The following SIRT3 variants were observed in gnomAD, a reference collection of about 807,000 sequenced individuals.
SIRT3 encodes the protein NAD-dependent protein deacetylase sirtuin-3, mitochondrial.
A neutral mutation model predicts 33.5 loss-of-function variants in SIRT3; 26 were observed. The observed-to-expected ratio is 0.78, with a 90% CI of 0.57 to 1.08. The LOEUF (loss-of-function observed/expected upper bound fraction) is 1.08. Ranked by LOEUF, SIRT3 falls within the 50% of genes least tolerant of loss-of-function variation. The pLI is 0.00. For missense variants in SIRT3, 585 were observed against 530.1 expected, an observed-to-expected ratio of 1.10 and a Z score of -1.02; for synonymous variants, 237 against 222.1, an observed-to-expected ratio of 1.07 and a Z score of -0.60.
chr11:220,213 C>A (rs563874348), intron 5 of SIRT3, among the ~76,000 whole-genome samples: 7 of 151,340 alleles, frequency 4.6e-5, no homozygotes, highest in Admixed American at 6.6e-5. Flanking sequence ...ACCTATAATC[C>A]GAGCTACTCG....
intron 4 of SIRT3, among the ~76,000 whole-genome samples, chr11:229,880 A>G (rs892026012): frequency 5.9e-5 from 9 of 152,270 alleles, no homozygotes; most frequent in African/African-American, 2.2e-4. Flanking sequence ...TCCACAGCAG[A>G]ACTATACACA....
chr11:217,660 G>C (rs769183043), intron 6 of SIRT3, among the ~76,000 whole-genome samples: 2 of 152,250 alleles, frequency 1.3e-5, no homozygotes, highest in Non-Finnish European at 2.9e-5. Flanking sequence ...GGAGGTCTTG[G>C]ACTGGTGGAG....
intron 5 of SIRT3, among the ~76,000 whole-genome samples, chr11:221,379 G>A (rs2133820068): frequency 6.6e-6 from 1 of 152,324 alleles, no homozygotes; most frequent in African/African-American, 2.4e-5. Context: ...CCAGAGTGCT[G>A]GGATAACAGG....
At chr11:222,883 C>T (rs1274797293) in intron 5 of SIRT3, 1 of 152,464 alleles carries the variant, frequency 6.6e-6, no homozygotes, top group South Asian at 2.1e-4. Flanking sequence ...ACCTGCCTGA[C>T]TTGACACTGC....
At chr11:224,873 G>A (rs557676390) in intron 4 of SIRT3, among the ~76,000 whole-genome samples, 8 of 152,174 alleles carry the variant, frequency 5.3e-5, no homozygotes, top group Admixed American at 4.6e-4. Context: ...GAGTTACAGA[G>A]GAAGACACCT....
intron 4 of SIRT3, among the ~76,000 whole-genome samples, chr11:225,399 G>A (rs915434923): frequency 4.6e-5 from 7 of 151,854 alleles, no homozygotes; most frequent in Admixed American, 2.0e-4. Context: ...GCAACAAAGC[G>A]AGACTCTGTC....
chr11:224,394 G>C (rs1362121674), intron 4 of SIRT3, among the ~76,000 whole-genome samples, 155 bp from the exon 5 acceptor site: 2 of 152,250 alleles, frequency 1.3e-5, no homozygotes, highest in Non-Finnish European at 2.9e-5. Flanking sequence ...GGAATTACCA[G>C]TTTTCATAGC....
rs543036187 is a variant in SIRT3, at chr11:230,571, C to T, written c.707-19G>A. On this transcript the variant is annotated intron_variant, in intron 3 of 6. Transcript: ENST00000382743. The stretch of plus-strand genomic sequence containing the variant: ...CCCGACACTGAAATTCAAGCCAAAG[C>T]GAAGTGTTGCTGCCGCCTCCGAGAT... 1.4e-6 allele frequency: 2 copies of T among 1,475,464 alleles called. No homozygotes were observed. Among genetic ancestry groups the T allele is most frequent in the African/African-American group, 2.9e-5 (2 of 68,912 alleles). 91.4% of individuals were successfully genotyped at this position (1,475,464 alleles called of 1,614,324 possible).
At position 223,542 on chromosome 11, in the gene SIRT3, T is replaced by C; in HGVS notation, c.969+536A>G. The C allele has an allele frequency of 2.7e-6, 1 of 375,384 alleles. No individual in the cohort carries two copies. Among genetic ancestry groups the C allele is most frequent in the Non-Finnish European group, 5.2e-6 (1 of 193,788 alleles). The allele number at this position is 375,384 out of a possible 1,614,324, so 23.3% of individuals were successfully genotyped here. A position where few individuals can be genotyped will look rare whatever the true frequency, so the allele number is the denominator to read the frequency against. On this transcript the variant is annotated intron_variant, in intron 5 of 6. Coordinates refer to ENST00000382743, the MANE Select transcript of SIRT3 (RefSeq NM_012239.6). The surrounding 1 kb of genome is among the most constrained non-coding windows in gnomAD (Gnocchi z 4.8). The stretch of plus-strand genomic sequence containing the variant: ...GTCCCCGGGCCAGTCCCTGTGGATT[T>C]ATCACTCCTCCCACTGCAGCATCAG...
upstream of SIRT3, chr11:236,468 CCG>C (rs1859176636): frequency 2.0e-5 from 9 of 450,872 alleles, no homozygotes; most frequent in Non-Finnish European, 2.3e-5. Flanking sequence ...GGTCCCGCCT[CCG>C]CGCCCCGCCC....
At chr11:226,834 A>T (rs530945587) in intron 4 of SIRT3, among the ~76,000 whole-genome samples, 2 of 148,656 alleles carry the variant, frequency 1.3e-5, no homozygotes, top group Non-Finnish European at 3.0e-5. Context: ...GCTCACCGCA[A>T]CCTCCGCCTC....
chr11:232,935 G>A (rs377664598), intron 3 of SIRT3, 48 bp downstream of exon 3: 59 of 1,574,538 alleles, frequency 3.7e-5, no homozygotes, highest in Admixed American at 2.0e-4. Context: ...ACAGGCACCC[G>A]AGCCTCCGTG....
intron 3 of SIRT3, among the ~76,000 whole-genome samples, chr11:232,391 TTACAGGTGTGATCC>T (rs1227751096): frequency 2.0e-5 from 3 of 152,114 alleles, no homozygotes; most frequent in Non-Finnish European, 4.4e-5. Flanking sequence ...AATGCTGGGA[TTACAGGTGTGATCC>T]CACACCTGTA....
chr11:234,524 C>T (rs1184342853), intron 1 of SIRT3, among the ~76,000 whole-genome samples: 2 of 152,234 alleles, frequency 1.3e-5, no homozygotes, highest in Admixed American at 6.5e-5. Context: ...ACGCCATTCT[C>T]CTGCCTCAGC....
intron 3 of SIRT3, among the ~76,000 whole-genome samples, chr11:231,339 G>C (rs756112168): frequency 2.4e-4 from 36 of 152,134 alleles, no homozygotes; most frequent in Non-Finnish European, 3.7e-4. Context: ...CAGAGGCTGA[G>C]GCAAAAGGAT....
intron 4 of SIRT3, among the ~76,000 whole-genome samples, chr11:230,161 C>G (rs1393481888): frequency 1.4e-5 from 2 of 146,026 alleles, no homozygotes; most frequent in African/African-American, 5.1e-5. Flanking sequence ...TGCAGTGAGC[C>G]GAGATCGCCC....
In SIRT3 at chr11:233,090, T is replaced by A. The variant is rs1858317754; in HGVS notation, c.599A>T (p.Tyr200Phe). 4 of 1,614,018 alleles carry A rather than the reference T, an allele frequency of 2.5e-6. No homozygotes were observed. Among genetic ancestry groups the A allele is most frequent in the Non-Finnish European group, 3.4e-6 (4 of 1,180,000 alleles). The part of the protein sequence containing the change: ...KPFFTLAKEL[Y>F]PGNYKPNVTH... ...GACGTTGGGCTTGTAGTTTCCAGGG[T>A]ACAGCTCCTTGGCCAAAGTGAAAAA... The change falls in exon 3 of 7, where the codon TAC becomes TTC. Residue 200 changes from tyrosine (Y) to phenylalanine (F), a missense_variant. Tyr to Phe is a conservative substitution (Grantham distance 22, BLOSUM62 3). Coordinates refer to ENST00000382743, the MANE Select transcript of SIRT3 (RefSeq NM_012239.6).
chr11:217,119 C>G (rs779111396), intron 6 of SIRT3, among the ~76,000 whole-genome samples: 3 of 152,224 alleles, frequency 2.0e-5, no homozygotes, highest in Admixed American at 6.5e-5. Flanking sequence ...CAAAACTCCA[C>G]AGGAGCTACC....
At chr11:225,768 C>G (rs887081937) in intron 4 of SIRT3, 1 of 152,142 alleles carries the variant, frequency 6.6e-6, no homozygotes, top group Non-Finnish European at 1.5e-5. Flanking sequence ...TCAGAGGTCC[C>G]TAAAGAGAGG....
Sources: allele counts gnomAD v4.1 joint callset (sites outside exome capture counted in the v4.1 genomes callset), GRCh38; gene constraint gnomAD v4.1.1; non-coding constraint Gnocchi (gnomAD v3.1); transcripts MANE v1.5; gene names NCBI Gene and HGNC (gene_info 2026-07-23, HGNC 2026-07-21).